Variants in KLRD1 observed in about 807,000 individuals in gnomAD.
KLRD1 encodes killer cell lectin like receptor D1, also known as natural killer cells antigen CD94.
A neutral mutation model predicts 22.6 loss-of-function variants in KLRD1; 21 were observed. The observed-to-expected ratio is 0.93, with a 90% CI of 0.66 to 1.34. The LOEUF is 1.34. Among genes scored for constraint, KLRD1 ranks in the 40% most tolerant of loss-of-function variants. KLRD1 has a pLI of 0.00. For synonymous variants in KLRD1, 59 were observed against 71.1 expected (o/e 0.83, Z 0.85); for missense variants, 183 against 208.6 (o/e 0.88, Z 0.76).
Position 10,323,864 on chromosome 12 carries a change from C to CTTCTTT in KLRD1, c.*9073_*9074insCTTTTT, listed in dbSNP as rs1950334134. On this transcript the variant is annotated 3_prime_UTR_variant, in exon 6 of 6. Coordinates refer to ENST00000336164, the MANE Select transcript of KLRD1 (RefSeq NM_002262.5). ...TTCCCTTTTATTTCTTATTTCTTTC[C>CTTCTTT]TTTTTTTTTTTTTTTGAGACTGAGT... The CTTCTTT allele has an allele frequency of 9.4e-6, 1 of 106,342 alleles. No homozygotes were observed. The highest frequency in any genetic ancestry group is 3.3e-5 in the African/African-American group (1 of 30,268). 6.6% of individuals were successfully genotyped at this position (106,342 alleles called of 1,614,324 possible).
intron 1 of KLRD1, among the ~76,000 whole-genome samples, chr12:10,256,768 G>T (rs1020729764): frequency 1.3e-5 from 2 of 151,840 alleles, no homozygotes; most frequent in African/African-American, 4.8e-5. Context: ...ATTATATTTC[G>T]CTGATGCATT....
At chr12:10,299,265 C>A (rs193087283) in intron 1 of KLRD1, among the ~76,000 whole-genome samples, 133 of 151,820 alleles carry the variant, frequency 8.8e-4, no homozygotes, top group African/African-American at 3.0e-3. Context: ...TGACAAGGAA[C>A]AGAGGTATCT....
At chr12:10,246,813 T>C (rs1450131190) in intron 1 of KLRD1, among the ~76,000 whole-genome samples, 3 of 152,178 alleles carry the variant, frequency 2.0e-5, no homozygotes, top group African/African-American at 7.2e-5. Context: ...TTAGTCTGAA[T>C]TCAAATAATG....
At chr12:10,284,470 A>C (rs1456122078) in intron 1 of KLRD1, among the ~76,000 whole-genome samples, 5 of 152,186 alleles carry the variant, frequency 3.3e-5, no homozygotes, top group Non-Finnish European at 7.3e-5. Context: ...AATCTCTGTA[A>C]ACAAAATGTT....
rs1229793373 is a variant in KLRD1 at position 10,312,189 on chromosome 12, A to T, written c.315+574A>T. 5.3e-5 allele frequency among the ~76,000 whole-genome samples: 8 copies of T among 150,332 alleles called. No individual in the cohort carries two copies. In the Admixed American group the frequency reaches 5.3e-4, roughly 10 times the overall value. On this transcript the variant is annotated intron_variant, in intron 4 of 5. Transcript: ENST00000336164. ...TGCCTCAGCCTCCTGAGTAGCTGGG[A>T]TTACAGACACCTGCCACCAGGCCTG...
rs184397614 is a variant in KLRD1, at chr12:10,312,909, C to T, written c.316-501C>T. On this transcript the variant is annotated intron_variant, in intron 4 of 5. Transcript: ENST00000336164. ...GGCGGAGGCAGGAGAATGGCGTGAACCTGGGAGGCAGAGCTTGCAGTGAGC... is the reference window on the plus strand; with the variant it reads ...GGCGGAGGCAGGAGAATGGCGTGAATCTGGGAGGCAGAGCTTGCAGTGAGC... Among the ~76,000 whole-genome samples, 828 of 151,688 alleles carry T rather than the reference C, an allele frequency of 5.5e-3. 1 individual carries two copies. The highest frequency in any genetic ancestry group is 9.8e-3 in the South Asian group (47 of 4,788).
At chr12:10,294,053 C>T (rs771245788) in intron 1 of KLRD1, among the ~76,000 whole-genome samples, 17 of 152,220 alleles carry the variant, frequency 1.1e-4, no homozygotes, top group Non-Finnish European at 1.9e-4. Context: ...GGTCGCTGTA[C>T]ATCAAAGATG....
At chr12:10,312,385 G>T (rs1230768136) in intron 4 of KLRD1, among the ~76,000 whole-genome samples, 1 of 146,358 alleles carries the variant, frequency 6.8e-6, no homozygotes, top group Non-Finnish European at 1.5e-5. Context: ...TTGTTTGTTT[G>T]TTTGTTTGTT....
Position 10,309,375 on chromosome 12 carries a change from T to C in KLRD1, c.8-13T>C. On this transcript the variant is annotated splice_polypyrimidine_tract_variant and intron_variant, in intron 1 of 5. Transcript: ENST00000336164. ...GCTCTTTAAGTCATTACTCTGTCTG[T>C]CTTTCTCTACAGTGTTTAAGACCAC... 8.0e-7 allele frequency: 1 copy of C among 1,247,372 alleles called. No homozygotes were observed. Among genetic ancestry groups the C allele is most frequent in the Non-Finnish European group, 1.2e-6 (1 of 850,048 alleles). The allele number at this position is 1,247,372 out of a possible 1,614,324, so 77.3% of individuals were successfully genotyped here.
chr12:10,266,865 C>CT (rs148285255), intron 1 of KLRD1, among the ~76,000 whole-genome samples: 113,259 of 142,372 alleles, frequency 0.8, 45,336 homozygotes, highest in East Asian at 0.99. Flanking sequence ...AGCCTTATTT[C>CT]TTTTTTTTGT....
At chr12:10,267,480 T>C (rs1949511035) in intron 1 of KLRD1, among the ~76,000 whole-genome samples, 1 of 152,096 alleles carries the variant, frequency 6.6e-6, no homozygotes, top group South Asian at 2.1e-4. Context: ...GAAGATAAAA[T>C]GTTGAGCAAA....
intron 1 of KLRD1, among the ~76,000 whole-genome samples, chr12:10,254,431 C>CAAAAAAAA: frequency 1.2e-5 from 1 of 86,952 alleles, no homozygotes; most frequent in African/African-American, 4.9e-5. Flanking sequence ...CACTCCGTCT[C>CAAAAAAAA]AAAAAAAAAA....
chr12:10,315,223 ATCC>A lies in KLRD1; in HGVS notation c.*435_*437del. On this transcript the variant is annotated 3_prime_UTR_variant, in exon 6 of 6. Transcript: ENST00000336164. The stretch of plus-strand genomic sequence containing the variant: ...TCATAGCTCATTGCAAGCTCAAGTG[ATCC>A]TCCTGACTCAGCCTCCCAAGTAGCT... 2.4e-6 allele frequency: 1 copy of A among 417,896 alleles called. No homozygotes were observed. The highest frequency in any genetic ancestry group is 1.7e-5 in the South Asian group (1 of 59,610). The allele number at this position is 417,896 out of a possible 1,614,324, so 25.9% of individuals were successfully genotyped here.
rs549217152 is a variant in KLRD1, at chr12:10,252,641, A to C, written c.-101+26408A>C. ...TGTCTTAAACAAGCAAGGGCACTAA[A>C]TGAATGACCATTACAGGGAAGACAG... On this transcript the variant is annotated intron_variant, in intron 1 of 5. Coordinates refer to the KLRD1 transcript ENST00000544747. Among the ~76,000 whole-genome samples, 8 of 152,348 alleles carry C rather than the reference A, an allele frequency of 5.3e-5. No individual in the cohort carries two copies. In the South Asian group the frequency reaches 1.2e-3, roughly 24 times the overall value.
chr12:10,247,458 C>T (rs1949303243), intron 1 of KLRD1, among the ~76,000 whole-genome samples: 1 of 152,082 alleles, frequency 6.6e-6, no homozygotes. Flanking sequence ...TTTTGTATAA[C>T]ATTTTTAGAA....
upstream of KLRD1, among the ~76,000 whole-genome samples, chr12:10,307,244 G>A (rs932296343): frequency 6.6e-6 from 1 of 152,174 alleles, no homozygotes; most frequent in African/African-American, 2.4e-5. Context: ...AAATAAAGAA[G>A]CTGAAGTCGT....
At chr12:10,308,282 G>GT (rs976888495) in intron 1 of KLRD1, 198 bp downstream of exon 1, 10 of 576,934 alleles carry the variant, frequency 1.7e-5, no homozygotes, top group African/African-American at 1.3e-4. Flanking sequence ...ATTTCATGAA[G>GT]TTTTTTCCAC....
chr12:10,285,396 C>T (rs1451668755), intron 1 of KLRD1, among the ~76,000 whole-genome samples: 1 of 152,178 alleles, frequency 6.6e-6, no homozygotes, highest in Non-Finnish European at 1.5e-5. Context: ...CTTTTCCTCT[C>T]ATGTGAACCA....
chr12:10,258,191 G>A (rs538881162), intron 1 of KLRD1, among the ~76,000 whole-genome samples: 1 of 152,100 alleles, frequency 6.6e-6, no homozygotes, highest in Non-Finnish European at 1.5e-5. Flanking sequence ...TGAGTCCAAA[G>A]GAAACAGAAT....
Sources: allele counts gnomAD v4.1 joint callset (sites outside exome capture counted in the v4.1 genomes callset), GRCh38; gene constraint gnomAD v4.1.1; transcripts MANE v1.5; gene names NCBI Gene and HGNC (gene_info 2026-07-23, HGNC 2026-07-21).